Variants in GSK3B observed in about 807,000 individuals in gnomAD.
GSK3B encodes glycogen synthase kinase 3 beta, also known as glycogen synthase kinase-3 beta.
GSK3B carries 15 observed loss-of-function variants against 56.4 expected under a neutral mutation model. That is an observed-to-expected ratio of 0.27 (90% CI 0.18 to 0.41). The LOEUF is 0.41. GSK3B is among the 10% of genes least tolerant of loss of function. The pLI is 1.00. For synonymous variants in GSK3B, 181 were observed against 188.9 expected (o/e 0.96, Z 0.34); for missense variants, 300 against 513.4 (o/e 0.58, Z 4.02).
rs191683094 is a variant in GSK3B at position 119,955,908 on chromosome 3, C to G, written c.283-8557G>C. ...CCTCTGGTGATCCGCCTACCTCGGC[C>G]TCCCAAAGTGCTGGGATTACAGGTG... On this transcript the variant is annotated intron_variant, in intron 2 of 10. Transcript: ENST00000264235. Among the ~76,000 whole-genome samples the G allele has an allele frequency of 2.0e-5, 3 of 152,160 alleles. No individual in the cohort carries two copies. The East Asian group carries it at 5.8e-4, about 29-fold the overall frequency.
intron 4 of GSK3B, among the ~76,000 whole-genome samples, chr3:119,918,725 ATTTTT>A: frequency 6.6e-6 from 1 of 152,120 alleles, no homozygotes; most frequent in South Asian, 2.1e-4. Context: ...AATGAAAACA[ATTTTT>A]TTTATTTTTC....
At chr3:119,862,163 G>A (rs2056113115) in intron 9 of GSK3B, among the ~76,000 whole-genome samples, 1 of 148,546 alleles carries the variant, frequency 6.7e-6, no homozygotes, top group African/African-American at 2.5e-5. Context: ...AGAAAATGTG[G>A]CACATATACA....
chr3:119,913,364 G>T (rs1444915035), intron 5 of GSK3B, among the ~76,000 whole-genome samples: 1 of 151,918 alleles, frequency 6.6e-6, no homozygotes, highest in Admixed American at 6.6e-5. Flanking sequence ...ATTATAAACA[G>T]GCCCTTCAAC....
At chr3:120,039,134 G>T (rs1180325052) in intron 1 of GSK3B, among the ~76,000 whole-genome samples, 1 of 152,174 alleles carries the variant, frequency 6.6e-6, no homozygotes, top group Non-Finnish European at 1.5e-5. Context: ...TTAAAACAAT[G>T]CCATACCATT....
intron 2 of GSK3B, among the ~76,000 whole-genome samples, chr3:119,977,232 C>T (rs1465851109): frequency 2.0e-5 from 3 of 152,112 alleles, no homozygotes; most frequent in East Asian, 3.9e-4. Context: ...AGTCTGTATC[C>T]TTAAGAAACT....
chr3:119,940,115 T>C (rs1453688822), intron 3 of GSK3B, among the ~76,000 whole-genome samples: 1 of 84,618 alleles, frequency 1.2e-5, no homozygotes, highest in East Asian at 7.2e-4. Context: ...TGTGTTTGTG[T>C]GTGTGTGTGT....
chr3:119,833,687 GTTGTTTT>G (rs1448987032), intron 10 of GSK3B, among the ~76,000 whole-genome samples: 266 of 133,462 alleles, frequency 2.0e-3, no homozygotes, highest in African/African-American at 7.2e-3. Flanking sequence ...GAAACATTAG[GTTGTTTT>G]TTTTTTTTTT....
At chr3:119,913,447 T>C (rs1221588218) in intron 5 of GSK3B, among the ~76,000 whole-genome samples, 1 of 152,072 alleles carries the variant, frequency 6.6e-6, no homozygotes, top group African/African-American at 2.4e-5. Flanking sequence ...TGTTTTCTTA[T>C]TCCAATTTTC....
intron 1 of GSK3B, among the ~76,000 whole-genome samples, chr3:120,037,450 A>C (rs566802092): frequency 1.7e-4 from 26 of 152,340 alleles, no homozygotes; most frequent in Admixed American, 7.8e-4. Flanking sequence ...ATCCCGAAGA[A>C]CTTGTATTCT....
In GSK3B at chr3:120,093,515, G is replaced by C; in HGVS notation, c.-81C>G. 1 of 871,438 alleles carries C rather than the reference G, an allele frequency of 1.1e-6. No individual in the cohort carries two copies. The highest frequency in any genetic ancestry group is 1.9e-6 in the Non-Finnish European group (1 of 518,314). 54.0% of individuals were successfully genotyped at this position (871,438 alleles called of 1,614,324 possible). A position where few individuals can be genotyped will look rare whatever the true frequency, so the allele number is the denominator to read the frequency against. On this transcript the variant is annotated 5_prime_UTR_variant, in exon 1 of 11. In the 5' UTR this introduces an upstream ATG that the reference lacks. Transcript: ENST00000264235. Reference sequence around the variant, plus strand: ...CTTTATGTTGGGGTGTTAGGTTAACGATAAATGCAGCATTAAGTTCTCCCA... The same window carrying C: ...CTTTATGTTGGGGTGTTAGGTTAACCATAAATGCAGCATTAAGTTCTCCCA...
At chr3:119,895,959 T>G (rs1340969887) in intron 7 of GSK3B, among the ~76,000 whole-genome samples, 1 of 151,918 alleles carries the variant, frequency 6.6e-6, no homozygotes, top group African/African-American at 2.4e-5. Context: ...AAAACCTATC[T>G]ATAACAAAGA....
intron 1 of GSK3B, among the ~76,000 whole-genome samples, chr3:120,091,766 G>C (rs2058514642): frequency 6.6e-6 from 1 of 151,850 alleles, no homozygotes; most frequent in Admixed American, 6.6e-5. Context: ...TTCCCTGAAA[G>C]ATGCATAATC....
At chr3:119,846,215 A>G (rs2055853484) in intron 9 of GSK3B, among the ~76,000 whole-genome samples, 2 of 152,234 alleles carry the variant, frequency 1.3e-5, no homozygotes, top group South Asian at 4.1e-4. Flanking sequence ...AACCTAGGCA[A>G]TATCATTCAG....
At chr3:120,036,874 A>G (rs1387949260) in intron 1 of GSK3B, among the ~76,000 whole-genome samples, 4 of 152,130 alleles carry the variant, frequency 2.6e-5, no homozygotes, top group African/African-American at 9.7e-5. Flanking sequence ...TATCAAAATA[A>G]TATGCTACAA....
At chr3:120,040,637 G>A (rs1000026929) in intron 1 of GSK3B, among the ~76,000 whole-genome samples, 2 of 151,954 alleles carry the variant, frequency 1.3e-5, no homozygotes, top group Non-Finnish European at 2.9e-5. Flanking sequence ...AAGACAAGAA[G>A]TAAAAAGGAT....
rs186835847 is a variant in GSK3B, at chr3:119,851,377, G to A, written c.1097-8024C>T. On this transcript the variant is annotated intron_variant, in intron 9 of 10. Coordinates refer to ENST00000264235, the MANE Select transcript of GSK3B (RefSeq NM_001146156.2). ...ATCTAGTTGGTAAAATCTGAAATTTGCCTTAAAAGTTTCTATTCTTCCAAG... is the reference window on the plus strand; with the variant it reads ...ATCTAGTTGGTAAAATCTGAAATTTACCTTAAAAGTTTCTATTCTTCCAAG... Among the ~76,000 whole-genome samples the A allele has an allele frequency of 2.1e-3, 314 of 152,236 alleles. 2 individuals are homozygous for A. The highest frequency in any genetic ancestry group is 4.0e-3 in the Admixed American group (61 of 15,282).
At position 119,916,028 on chromosome 3, in the gene GSK3B, A is replaced by G; in HGVS notation, c.608+16T>C. On this transcript the variant is annotated intron_variant, in intron 5 of 10. Transcript: ENST00000264235. ...AGGGGAAAAGGGAAGGGGCAGGGAG[A>G]GGGACAGTAGCTTACCTTCCAAAGT... The G allele has an allele frequency of 1.3e-6, 2 of 1,597,388 alleles. No individual in the cohort carries two copies. The highest frequency in any genetic ancestry group is 2.2e-5 in the East Asian group (1 of 44,580).
intron 2 of GSK3B, among the ~76,000 whole-genome samples, chr3:119,969,748 C>A (rs1375247376): frequency 6.6e-6 from 1 of 152,192 alleles, no homozygotes; most frequent in Admixed American, 6.5e-5. Context: ...GTCTTTTCAA[C>A]AAGTAGAGTA....
chr3:119,977,997 C>T (rs968786546), intron 2 of GSK3B, among the ~76,000 whole-genome samples: 5 of 152,078 alleles, frequency 3.3e-5, no homozygotes, highest in Non-Finnish European at 5.9e-5. Context: ...GTATTAGTAC[C>T]GTCCCCATTT....
Sources: gnomAD v4.1 joint callset for allele counts (sites outside exome capture counted in the v4.1 genomes callset) on GRCh38, gnomAD v4.1.1 for gene constraint, MANE v1.5 for transcripts, NCBI Gene and HGNC (gene_info 2026-07-23, HGNC 2026-07-21) for gene names.